TAF9: variants seen among roughly 807,000 people sequenced by gnomAD.
TAF9 encodes transcription initiation factor TFIID subunit 9.
A neutral mutation model predicts 16.5 loss-of-function variants in TAF9; 10 were observed. The observed-to-expected ratio is 0.61, with a 90% CI of 0.37 to 1.03. The LOEUF is 1.03. TAF9 is among the 50% of genes least tolerant of loss of function. The probability of loss-of-function intolerance (pLI) is 0.01; values close to 1 mark genes in which losing one functional copy is unlikely to be tolerated. For synonymous variants in TAF9, 105 were observed against 120.5 expected (o/e 0.87, Z 0.84); for missense variants, 288 against 319.1 (o/e 0.90, Z 0.74).
rs781473998 is a variant in TAF9 at position 69,364,936 on chromosome 5, G to C, written c.*7C>G. ...CAAGTATACATGTTACATTCAGCAA[G>C]GCTAGATTACAGATTATCATAGTCA... On this transcript the variant is annotated 3_prime_UTR_variant, in exon 3 of 3. Coordinates refer to ENST00000217893, the MANE Select transcript of TAF9 (RefSeq NM_003187.5). 6.2e-7 allele frequency: 1 copy of C among 1,602,182 alleles called. No individual in the cohort carries two copies. The highest frequency in any genetic ancestry group is 1.3e-5 in the African/African-American group (1 of 74,730).
At position 69,365,752 on chromosome 5, in the gene TAF9, A is replaced by G. The variant is rs973984328; in HGVS notation, c.-15T>C. 6.6e-6 allele frequency: 10 copies of G among 1,517,992 alleles called. No individual in the cohort carries two copies. Among genetic ancestry groups the G allele is most frequent in the African/African-American group, 5.6e-5 (4 of 71,802 alleles). 94.0% of individuals were successfully genotyped at this position (1,517,992 alleles called of 1,614,324 possible). A position where few individuals can be genotyped will look rare whatever the true frequency, so the allele number is the denominator to read the frequency against. On this transcript the variant is annotated splice_region_variant and 5_prime_UTR_variant, in exon 3 of 3. It removes the in-frame stop codon of an upstream open reading frame in the 5' UTR. Coordinates refer to ENST00000217893, the MANE Select transcript of TAF9 (RefSeq NM_003187.5). ...CCAGACTCCATGATATCCGATGATC[A>G]GACTTTAGATCATTTGAAAAAAATA... is the stretch of plus-strand genomic sequence containing the variant.
rs768767342 is a variant in TAF9, at chr5:69,365,073, T to C, written c.665A>G (p.Lys222Arg). The C allele has an allele frequency of 3.7e-6, 6 of 1,614,220 alleles. No homozygotes were observed. Among genetic ancestry groups the C allele is most frequent in the Admixed American group, 1.7e-5 (1 of 60,018 alleles). The change falls in exon 3 of 3, where the codon AAA becomes AGA. Residue 222 changes from lysine (K) to arginine (R), a missense_variant. Lys to Arg is a conservative substitution (Grantham distance 26). Coordinates refer to ENST00000217893, the MANE Select transcript of TAF9 (RefSeq NM_003187.5). The part of the protein sequence containing the change: ...VLINPSLIGS[K>R]NILITTNMMS... Reference sequence around the variant, plus strand: ...CATATTAGTGGTAATAAGAATGTTTTTGGACCCGATTAATGATGGATTAAT... The same window carrying C: ...CATATTAGTGGTAATAAGAATGTTTCTGGACCCGATTAATGATGGATTAAT...
At position 69,368,152 on chromosome 5, in the gene TAF9, T is replaced by C. The variant is rs180869351; in HGVS notation, c.-111+1311A>G. 6.2e-4 allele frequency among the ~76,000 whole-genome samples: 94 copies of C among 152,300 alleles called. No individual in the cohort carries two copies. The East Asian group carries it at 0.014, about 22-fold the overall frequency. Reference sequence around the variant, plus strand: ...AAGAAACCCTATTTATGTTTGCATGTAAATGTACATATATGTACATACTCT... The same window carrying C: ...AAGAAACCCTATTTATGTTTGCATGCAAATGTACATATATGTACATACTCT... On this transcript the variant is annotated intron_variant, in intron 1 of 2. Transcript: ENST00000217893.
chr5:69,369,244 C>CCCCCCCCCCCCCCCCCCCCCCCA, intron 1 of TAF9: 1 of 266,128 alleles, frequency 3.8e-6, no homozygotes. Context: ...CCGCCCCCCC[C>CCCCCCCCCCCCCCCCCCCCCCCA]CGGAGCCTCA....
In TAF9 at chr5:69,366,466, AAAAAC is replaced by A. The variant is rs745536221; in HGVS notation, c.-18+32_-18+36del. 9.5e-6 allele frequency: 15 copies of A among 1,575,650 alleles called. No homozygotes were observed. The East Asian group carries it at 1.1e-4, about 12-fold the overall frequency. On this transcript the variant is annotated intron_variant, in intron 2 of 2. Transcript: ENST00000217893. Reference sequence around the variant, plus strand: ...CACTCCACTTACCAGACCTTAAAAAAAAAACAAAACAAATCTAACACCAAAGTGTC... The same window carrying A: ...CACTCCACTTACCAGACCTTAAAAAAAAAACAAATCTAACACCAAAGTGTC...
Position 69,366,571 on chromosome 5 carries a change from G to A in TAF9, c.-86C>T. On this transcript the variant is annotated 5_prime_UTR_variant, in exon 2 of 3. Transcript: ENST00000217893. ...TTTTGACGCAAGTTCTTTGCCTAGT[G>A]TGGTTTTTCCAACCCCTGGTGTACC... The A allele has an allele frequency of 1.2e-6, 2 of 1,614,044 alleles. No homozygotes were observed. The highest frequency in any genetic ancestry group is 1.7e-6 in the Non-Finnish European group (2 of 1,180,010).
At position 69,365,321 on chromosome 5, in the gene TAF9, A is replaced by G. The variant is rs1259462201; in HGVS notation, c.417T>C (p.Ser139=). The change falls in exon 3 of 3, where the codon TCT becomes TCC. Residue 139 remains serine (S), a synonymous_variant. Coordinates refer to ENST00000217893, the MANE Select transcript of TAF9 (RefSeq NM_003187.5). ...LKSLQKKAST[S]AGRITVPRLS... is the part of the protein sequence containing the mutation. ...ACCGCGGGACTGTTATTCTTCCCGCAGAAGTTGATGCCTTTTTCTGTAAAG... is the reference window on the plus strand; with the variant it reads ...ACCGCGGGACTGTTATTCTTCCCGCGGAAGTTGATGCCTTTTTCTGTAAAG... The G allele has an allele frequency of 6.2e-7, 1 of 1,614,154 alleles. No individual in the cohort carries two copies. The highest frequency in any genetic ancestry group is 8.5e-7 in the Non-Finnish European group (1 of 1,180,056).
chr5:69,364,905 C>T lies in TAF9; in HGVS notation c.*38G>A. ...ATGTTTAATATCAGTACAATGAATT[C>T]AAGACCAAGTATACATGTTACATTC... On this transcript the variant is annotated 3_prime_UTR_variant, in exon 3 of 3. Transcript: ENST00000217893. 2 of 1,557,230 alleles carry T rather than the reference C, an allele frequency of 1.3e-6. No individual in the cohort carries two copies. Among genetic ancestry groups the T allele is most frequent in the Non-Finnish European group, 1.7e-6 (2 of 1,150,348 alleles).
chr5:69,368,165 A>G (rs1222419525), intron 1 of TAF9, among the ~76,000 whole-genome samples: 2 of 152,176 alleles, frequency 1.3e-5, no homozygotes, highest in African/African-American at 4.8e-5. Context: ...ATGTACATAT[A>G]TGTACATACT....
At chr5:69,366,079 ACTAAT>A (rs975593534) in intron 2 of TAF9, among the ~76,000 whole-genome samples, 5 of 152,198 alleles carry the variant, frequency 3.3e-5, no homozygotes, top group African/African-American at 1.2e-4. Flanking sequence ...CAAATCTCAC[ACTAAT>A]CTAAGATACC....
At chr5:69,369,017 A>G in intron 1 of TAF9, 1 of 181,476 alleles carries the variant, frequency 5.5e-6, no homozygotes, top group Non-Finnish European at 1.1e-5. Context: ...CAAAGAAAAA[A>G]TAAAATACGG....
intron 1 of TAF9, among the ~76,000 whole-genome samples, chr5:69,367,445 G>A (rs72773410): frequency 0.062 from 9,064 of 147,328 alleles, 347 homozygotes; most frequent in Middle Eastern, 0.15. Flanking sequence ...GGTAGTTGTA[G>A]GATGCAGTGA....
Position 69,366,508 on chromosome 5 carries a change from C to T in TAF9, c.-23G>A, listed in dbSNP as rs140138224. On this transcript the variant is annotated 5_prime_UTR_variant, in exon 2 of 3. Coordinates refer to ENST00000217893, the MANE Select transcript of TAF9 (RefSeq NM_003187.5). ...AACACCAAAGTGTCCCTTACCTTCT[C>T]GAGCTAAATCACCCACATTAATGTA... 42 of 1,613,066 alleles carry T rather than the reference C, an allele frequency of 2.6e-5. No homozygotes were observed. Among genetic ancestry groups the T allele is most frequent in the Non-Finnish European group, 3.2e-5 (38 of 1,179,566 alleles).
intron 2 of TAF9, 141 bp from the exon 3 acceptor site, chr5:69,365,895 T>C (rs1261489590): frequency 1.9e-6 from 1 of 528,798 alleles, no homozygotes; most frequent in African/African-American, 2.0e-5. Flanking sequence ...TATGTTTTCT[T>C]AATTTTAATG....
At chr5:69,366,789 ACT>A (rs1178281440) in intron 1 of TAF9, 194 bp from the exon 2 acceptor site, 1 of 561,580 alleles carries the variant, frequency 1.8e-6, no homozygotes, top group Non-Finnish European at 3.2e-6. Context: ...ACAGAGTTTC[ACT>A]CTTGTCGCCC....
At position 69,365,741 on chromosome 5, in the gene TAF9, A is replaced by T. The variant is rs1762392470; in HGVS notation, c.-4T>A. The T allele has an allele frequency of 3.3e-6, 5 of 1,529,098 alleles. No homozygotes were observed. Among genetic ancestry groups the T allele is most frequent in the Non-Finnish European group, 4.4e-6 (5 of 1,139,336 alleles). 94.7% of individuals were successfully genotyped at this position (1,529,098 alleles called of 1,614,324 possible). A position where few individuals can be genotyped will look rare whatever the true frequency, so the allele number is the denominator to read the frequency against. ...AAGCCGTCTTGCCAGACTCCATGAT[A>T]TCCGATGATCAGACTTTAGATCATT... On this transcript the variant is annotated 5_prime_UTR_variant, in exon 3 of 3. Transcript: ENST00000217893.
intron 1 of TAF9, chr5:69,369,223 TCCACCCCCCCCCGCCCCC>T: frequency 7.2e-6 from 2 of 277,856 alleles, no homozygotes; most frequent in East Asian, 8.6e-5. Context: ...CCGACCTCTC[TCCACCCCCCCCCGCCCCC>T]CCCCGGAGCC....
chr5:69,369,421 C>A, intron 1 of TAF9, 42 bp downstream of exon 1: 1 of 1,602,376 alleles, frequency 6.2e-7, no homozygotes, highest in Non-Finnish European at 8.5e-7. Context: ...TCTGCGCCCC[C>A]AGCCTGCCCC....
At chr5:69,367,963 G>C (rs145710566) in intron 1 of TAF9, 235 of 152,288 alleles carry the variant, frequency 1.5e-3, no homozygotes, top group African/African-American at 5.5e-3. Flanking sequence ...GCAGGAGTTC[G>C]AGACCAGCCT....
Sources: allele counts gnomAD v4.1 joint callset (sites outside exome capture counted in the v4.1 genomes callset), GRCh38; gene constraint gnomAD v4.1.1; transcripts MANE v1.5; gene names NCBI Gene and HGNC (gene_info 2026-07-23, HGNC 2026-07-21).